The following PCDH9 variants were observed in gnomAD, a reference collection of about 807,000 sequenced individuals.
PCDH9 encodes protocadherin-9.
A neutral mutation model predicts 70.6 loss-of-function variants in PCDH9; 24 were observed. The observed-to-expected ratio is 0.34, with a 90% CI of 0.25 to 0.48. PCDH9 has a LOEUF of 0.48. Among genes scored for constraint, PCDH9 ranks in the 20% least tolerant of loss-of-function variants. PCDH9 has a pLI of 0.99. For synonymous variants in PCDH9, 562 were observed against 558.5 expected (o/e 1.01, Z -0.09); for missense variants, 1,281 against 1,503.6 (o/e 0.85, Z 2.45).
intron 4 of PCDH9, among the ~76,000 whole-genome samples, chr13:66,310,686 T>C (rs1002442055): frequency 6.6e-6 from 1 of 152,006 alleles, no homozygotes; most frequent in Non-Finnish European, 1.5e-5. Context: ...TGAATAAATT[T>C]TTCTTAGAAT....
chr13:67,229,162 T>A (rs2089953513), intron 1 of PCDH9, among the ~76,000 whole-genome samples: 1 of 152,118 alleles, frequency 6.6e-6, no homozygotes, highest in South Asian at 2.1e-4. Flanking sequence ...CCTCTACACA[T>A]CCTCATTGCC....
chr13:66,743,748 C>A (rs1376167896), intron 3 of PCDH9, among the ~76,000 whole-genome samples: 2 of 151,568 alleles, frequency 1.3e-5, no homozygotes, highest in Non-Finnish European at 2.9e-5. Flanking sequence ...ATGTTATATA[C>A]CATAAATACA....
intron 4 of PCDH9, among the ~76,000 whole-genome samples, chr13:66,481,241 C>T (rs946593990): frequency 7.2e-5 from 9 of 124,356 alleles, no homozygotes; most frequent in Non-Finnish European, 1.4e-4. Context: ...CACCATTGCA[C>T]GTGTTTACCT....
intron 4 of PCDH9, among the ~76,000 whole-genome samples, chr13:66,373,140 A>C (rs951159570): frequency 3.9e-5 from 6 of 152,012 alleles, no homozygotes; most frequent in African/African-American, 1.2e-4. Flanking sequence ...TTTTATAATG[A>C]AATATTATTT....
chr13:66,882,088 A>C lies in PCDH9; in HGVS notation c.3138+21416T>G, dbSNP rs565155923. Among the ~76,000 whole-genome samples the C allele has an allele frequency of 1.9e-4, 29 of 152,326 alleles. 1 individual carries two copies. The South Asian group carries it at 6.0e-3, about 32-fold the overall frequency. ...GAGAGCCAAGCCGCTAAATTAAAAA[A>C]CAAGTTGTGTTCTATTTTTGTGGAA... On this transcript the variant is annotated intron_variant, in intron 3 of 4. Transcript: ENST00000377865.
chr13:66,786,673 C>T (rs1005908812), intron 3 of PCDH9, among the ~76,000 whole-genome samples: 4 of 152,132 alleles, frequency 2.6e-5, no homozygotes, highest in African/African-American at 9.7e-5. Context: ...AACTGTACTA[C>T]CCTGCAAGAA....
intron 2 of PCDH9, among the ~76,000 whole-genome samples, chr13:66,924,049 C>T (rs982401535): frequency 2.0e-5 from 3 of 151,582 alleles, no homozygotes; most frequent in Non-Finnish European, 4.4e-5. Flanking sequence ...TTGGTACAGA[C>T]GTAAAGCAAG....
At chr13:66,683,312 A>G (rs1050260200) in intron 3 of PCDH9, among the ~76,000 whole-genome samples, 8 of 152,186 alleles carry the variant, frequency 5.3e-5, no homozygotes, top group Admixed American at 5.2e-4. Flanking sequence ...GCTTGTCACC[A>G]TTCATTAGTT....
At chr13:66,337,149 A>T (rs1005337608) in intron 4 of PCDH9, among the ~76,000 whole-genome samples, 1 of 152,036 alleles carries the variant, frequency 6.6e-6, no homozygotes, top group African/African-American at 2.4e-5. Flanking sequence ...AATAACAGTA[A>T]AAGCAATATT....
intron 4 of PCDH9, among the ~76,000 whole-genome samples, chr13:66,545,557 A>G (rs911368823): frequency 3.3e-5 from 5 of 152,186 alleles, no homozygotes; most frequent in African/African-American, 4.8e-5. Context: ...GACCACGTCT[A>G]TAACTATGGT....
At chr13:66,597,804 T>A (rs768694716) in intron 4 of PCDH9, among the ~76,000 whole-genome samples, 1 of 151,748 alleles carries the variant, frequency 6.6e-6, no homozygotes, top group Non-Finnish European at 1.5e-5. Context: ...ACCTATGGAA[T>A]GGGAGAAAAT....
rs769741092 is a variant in PCDH9 at position 67,226,672 on chromosome 13, G to A, written c.1769C>T (p.Thr590Ile). The A allele has an allele frequency of 1.5e-5, 24 of 1,613,824 alleles. No individual in the cohort carries two copies. The highest frequency in any genetic ancestry group is 2.0e-5 in the Non-Finnish European group (24 of 1,179,738). ...ATCTGTCACTGTGATTACCCCCACA[G>A]TACTATACTTTGGCAGATTCTCAGA... is the stretch of plus-strand genomic sequence containing the variant. ...FVSENLPKYS[T>I]VGVITVTDAD... The change falls in exon 2 of 5, where the codon ACT becomes ATT. Residue 590 changes from threonine to isoleucine, a missense_variant. Physicochemically the swap from Thr to Ile is moderately conservative, Grantham distance 89 (BLOSUM62 -1). Around this residue, in one of 4 missense-constraint regions of PCDH9, gnomAD observed 798 missense variants for 1,003.1 expected, o/e 0.80. Transcript: ENST00000377865. This position sits in a 1 kb window ranked among gnomAD's most constrained non-coding sequence, Gnocchi z 5.0.
chr13:66,446,801 G>T (rs1179270285), intron 4 of PCDH9, among the ~76,000 whole-genome samples: 1 of 151,958 alleles, frequency 6.6e-6, no homozygotes, highest in Admixed American at 6.6e-5. Flanking sequence ...AAAAAAAATA[G>T]AATTTCTTAA....
At chr13:66,831,895 A>ACTT (rs3042315) in intron 3 of PCDH9, among the ~76,000 whole-genome samples, 145,639 of 152,072 alleles carry the variant, frequency 0.96, 70,082 homozygotes, top group East Asian at 1. Context: ...TGTAATAAAA[A>ACTT]CTGTGGAAAA....
intron 3 of PCDH9, among the ~76,000 whole-genome samples, chr13:66,803,988 C>G (rs900887900): frequency 6.6e-6 from 1 of 152,166 alleles, no homozygotes; most frequent in Non-Finnish European, 1.5e-5. Context: ...TAGAACAACT[C>G]AGCCTTGAGC....
intron 4 of PCDH9, among the ~76,000 whole-genome samples, chr13:66,405,557 C>G (rs554948925): frequency 6.6e-6 from 1 of 152,072 alleles, no homozygotes; most frequent in Non-Finnish European, 1.5e-5. Flanking sequence ...GGAGAAGGTG[C>G]CAAATACTCA....
chr13:66,779,818 T>C (rs1376995799), intron 3 of PCDH9, among the ~76,000 whole-genome samples: 5 of 43,362 alleles, frequency 1.2e-4, no homozygotes, highest in Non-Finnish European at 2.1e-4. Flanking sequence ...AGACTCCATC[T>C]CTCTCTCTCT....
intron 4 of PCDH9, among the ~76,000 whole-genome samples, chr13:66,509,623 C>T (rs987063857): frequency 6.6e-6 from 1 of 151,950 alleles, no homozygotes; most frequent in African/African-American, 2.4e-5. Context: ...TCTTCTTCTT[C>T]TTCTTGTTTG....
In PCDH9 at chr13:66,816,463, C is replaced by T. The variant is rs535273384; in HGVS notation, c.3138+87041G>A. 2.3e-4 allele frequency among the ~76,000 whole-genome samples: 35 copies of T among 152,276 alleles called. No homozygotes were observed. The South Asian group carries it at 7.2e-3, about 32-fold the overall frequency. ...CTCTCTCTCCACCTCCCCCCACACACACTCACACTCACCATTCACAGTCAC... is the reference window on the plus strand; with the variant it reads ...CTCTCTCTCCACCTCCCCCCACACATACTCACACTCACCATTCACAGTCAC... On this transcript the variant is annotated intron_variant, in intron 3 of 4. Coordinates refer to ENST00000377865, the MANE Select transcript of PCDH9 (RefSeq NM_203487.3).
Sources: gnomAD v4.1 joint callset for allele counts (sites outside exome capture counted in the v4.1 genomes callset) on GRCh38, gnomAD v4.1.1 for gene constraint, gnomAD v4.1.1 regional missense constraint, Gnocchi (gnomAD v3.1) non-coding constraint, MANE v1.5 for transcripts, NCBI Gene and HGNC (gene_info 2026-07-23, HGNC 2026-07-21) for gene names.